ZNF202: variants seen among roughly 807,000 people sequenced by gnomAD.
ZNF202 encodes zinc finger protein 202, also known as zinc finger protein with KRAB and SCAN domains 10.
ZNF202 carries 22 observed loss-of-function variants against 54.5 expected under a neutral mutation model. That is an observed-to-expected ratio of 0.40 (90% CI 0.29 to 0.58). ZNF202 has a LOEUF of 0.58. ZNF202 is among the 20% of genes least tolerant of loss of function. The pLI is 0.39. For synonymous variants in ZNF202, 294 were observed against 301.4 expected (o/e 0.98, Z 0.26); for missense variants, 644 against 805.5 (o/e 0.80, Z 2.43).
rs904714910 is a variant in ZNF202 at position 123,730,041 on chromosome 11, C to T, written c.403-216G>A. 6.6e-6 allele frequency among the ~76,000 whole-genome samples: 1 copy of T among 152,138 alleles called. No homozygotes were observed. Among genetic ancestry groups the T allele is most frequent in the African/African-American group, 2.4e-5 (1 of 41,438 alleles). On this transcript the variant is annotated intron_variant, in intron 4 of 8. Coordinates refer to ENST00000530393, the MANE Select transcript of ZNF202 (RefSeq NM_003455.4). This position sits in a 1 kb window ranked among gnomAD's most constrained non-coding sequence, Gnocchi z 6.0. ...GATGCGCAGGCCTGCACTGCTCTCT[C>T]ACCACCCCCAGCCTGGGCCCCTGTC...
chr11:123,732,614 G>A (rs533438822), intron 3 of ZNF202, among the ~76,000 whole-genome samples: 3 of 152,146 alleles, frequency 2.0e-5, no homozygotes, highest in South Asian at 2.1e-4. Flanking sequence ...AAGTCCTCCC[G>A]TAGTGACCTG....
chr11:123,728,218 G>T lies in ZNF202; in HGVS notation c.747C>A (p.Asp249Glu). The change falls in exon 7 of 9, where the codon GAC becomes GAA. Residue 249 changes from aspartate to glutamate, a missense_variant. Asp to Glu is a conservative substitution (Grantham distance 45). Around this residue, in one of 3 missense-constraint regions of ZNF202, gnomAD observed 536 missense variants for 635.3 expected, o/e 0.84. Transcript: ENST00000530393. Reference sequence around the variant, plus strand: ...GTGTTGGGTCCAGATCACTCCACTGGTCCTGGGAAAAGCATACGGCCACAT... The same window carrying T: ...GTGTTGGGTCCAGATCACTCCACTGTTCCTGGGAAAAGCATACGGCCACAT... ...FKDVAVCFSQDQWSDLDPTQK... is the reference protein window; with the variant it reads ...FKDVAVCFSQEQWSDLDPTQK... 1 of 1,612,966 alleles carries T rather than the reference G, an allele frequency of 6.2e-7. No individual in the cohort carries two copies. The highest frequency in any genetic ancestry group is 1.1e-5 in the South Asian group (1 of 91,020).
intron 6 of ZNF202, 112 bp from the exon 7 acceptor site, chr11:123,728,374 G>C (rs984986536): frequency 7.5e-7 from 1 of 1,332,338 alleles, no homozygotes; most frequent in African/African-American, 1.5e-5. Flanking sequence ...AAAGGAGCTT[G>C]AGTGGCGGGC....
At chr11:123,740,339 C>T (rs974056789) in intron 2 of ZNF202, 78 bp downstream of exon 2, 6 of 152,306 alleles carry the variant, frequency 3.9e-5, no homozygotes, top group African/African-American at 1.4e-4. Flanking sequence ...TAGATAGTAA[C>T]AGCAGAAAGT....
At chr11:123,735,311 G>A (rs192139171) in intron 3 of ZNF202, among the ~76,000 whole-genome samples, 48 of 152,258 alleles carry the variant, frequency 3.2e-4, no homozygotes, top group Non-Finnish European at 6.2e-4. Context: ...ATCCTACAAC[G>A]TATGCATTGA....
In ZNF202 at chr11:123,726,008, T is replaced by C. The variant is rs1318369915; in HGVS notation, c.1936A>G (p.Lys646Glu). 9 of 1,612,240 alleles carry C rather than the reference T, an allele frequency of 5.6e-6. No homozygotes were observed. The highest frequency in any genetic ancestry group is 7.6e-6 in the Non-Finnish European group (9 of 1,178,642). The change falls in exon 9 of 9, where the codon AAG (lysine) becomes GAG (glutamate). Residue 646 changes from lysine to glutamate, a missense_variant. Physicochemically the swap from Lys to Glu is moderately conservative, Grantham distance 56 (BLOSUM62 1). Around this residue, in one of 3 missense-constraint regions of ZNF202, gnomAD observed 536 missense variants for 635.3 expected, o/e 0.84. Coordinates refer to ENST00000530393, the MANE Select transcript of ZNF202 (RefSeq NM_003455.4). The surrounding 1 kb of genome is among the most constrained non-coding windows in gnomAD (Gnocchi z 6.0). ...LIRHQRTHSE[K>E]TS ...ACATGGGGACCTAGCTAGGAGGTCT[T>C]TTCTGAGTGGGTCCTCTGATGCCTA...
chr11:123,729,589 C>A (rs1453380314), intron 5 of ZNF202, 26 bp downstream of exon 5: 2 of 1,513,206 alleles, frequency 1.3e-6, no homozygotes, highest in African/African-American at 1.4e-5. Flanking sequence ...CTGCCACAAT[C>A]CCCCCTTTCT....
chr11:123,736,787 AC>A (rs1488182397), intron 3 of ZNF202, among the ~76,000 whole-genome samples: 1 of 152,168 alleles, frequency 6.6e-6, no homozygotes, highest in Non-Finnish European at 1.5e-5. Context: ...TGTGGCTAAT[AC>A]TACTTATCTC....
intron 7 of ZNF202, 121 bp from the exon 8 acceptor site, chr11:123,727,716 C>T: frequency 7.7e-7 from 1 of 1,303,840 alleles, no homozygotes. Flanking sequence ...GTGATGAAAT[C>T]TTTCATCTCT....
chr11:123,739,858 A>T (rs188146787), intron 3 of ZNF202, among the ~76,000 whole-genome samples: 53 of 152,300 alleles, frequency 3.5e-4, no homozygotes, highest in Non-Finnish European at 1.2e-4. Context: ...CTCAAGCCCC[A>T]GCACAGACCT....
rs1861115741 is a variant in ZNF202, at chr11:123,726,039, G to A, written c.1905C>T (p.His635=). 1.2e-6 allele frequency: 2 copies of A among 1,614,050 alleles called. No individual in the cohort carries two copies. Among genetic ancestry groups the A allele is most frequent in the African/African-American group, 1.3e-5 (1 of 74,934 alleles). Residue 635 remains histidine, a synonymous_variant, in exon 9 of 9, where the codon CAC becomes CAT. Transcript: ENST00000530393. This position sits in a 1 kb window ranked among gnomAD's most constrained non-coding sequence, Gnocchi z 6.0. ...TCGKSFSRGY[H]LIRHQRTHSE... ...AGTGGGTCCTCTGATGCCTAATTAA[G>A]TGATATCCTCTGCTGAAGCTTTTTC... is the stretch of plus-strand genomic sequence containing the variant.
chr11:123,726,774 G>A lies in ZNF202; in HGVS notation c.1170C>T (p.His390=), dbSNP rs1462168733. The change falls in exon 9 of 9, where the codon CAC becomes CAT. Residue 390 remains histidine, a synonymous_variant. Transcript: ENST00000530393. The surrounding 1 kb of genome is among the most constrained non-coding windows in gnomAD (Gnocchi z 6.0). ...FVNLRETTPV[H]PLLGRHHDCS... ...AGTCATGATGCCTCCCTAACAGGGGGTGGACGGGTGTAGTTTCCCGAAGGT... is the reference window on the plus strand; with the variant it reads ...AGTCATGATGCCTCCCTAACAGGGGATGGACGGGTGTAGTTTCCCGAAGGT... The A allele has an allele frequency of 1.2e-6, 2 of 1,614,232 alleles. No individual in the cohort carries two copies. The highest frequency in any genetic ancestry group is 1.1e-5 in the South Asian group (1 of 91,082).
chr11:123,729,935 C>A, intron 4 of ZNF202, 110 bp from the exon 5 acceptor site: 1 of 1,153,700 alleles, frequency 8.7e-7, no homozygotes, highest in Non-Finnish European at 1.2e-6. Context: ...CCAGAGGGAC[C>A]CAGACAAGGA....
chr11:123,741,064 G>C lies in ZNF202; in HGVS notation c.-294+485C>G, dbSNP rs550898062. 2.0e-5 allele frequency among the ~76,000 whole-genome samples: 3 copies of C among 152,190 alleles called. No individual in the cohort carries two copies. In the South Asian group the frequency reaches 6.2e-4, roughly 32 times the overall value. ...CTGGGTGTGTGCTGGGGGGCTGAGGGGGGCTTGGTGGTGTAAGGAGATGGG... is the reference window on the plus strand; with the variant it reads ...CTGGGTGTGTGCTGGGGGGCTGAGGCGGGCTTGGTGGTGTAAGGAGATGGG... On this transcript the variant is annotated intron_variant, in intron 1 of 8. Transcript: ENST00000530393.
intron 2 of ZNF202, 88 bp from the exon 3 acceptor site, chr11:123,740,280 A>G (rs896953700): frequency 6.6e-6 from 1 of 152,334 alleles, no homozygotes; most frequent in African/African-American, 2.4e-5. Flanking sequence ...GTTTGGTCCT[A>G]GGAGGAAAAA....
chr11:123,731,591 A>C (rs761827779), intron 3 of ZNF202, among the ~76,000 whole-genome samples: 6 of 152,206 alleles, frequency 3.9e-5, no homozygotes, highest in Non-Finnish European at 8.8e-5. Flanking sequence ...CTGGGTTTGA[A>C]TCCTGGCTCT....
intron 6 of ZNF202, 93 bp downstream of exon 6, chr11:123,729,033 T>C: frequency 7.7e-7 from 1 of 1,294,540 alleles, no homozygotes; most frequent in South Asian, 1.3e-5. Context: ...GGCAAGAGTG[T>C]AAATGTGCAT....
At chr11:123,741,230 T>C (rs1219729834) in intron 1 of ZNF202, among the ~76,000 whole-genome samples, 1 of 151,476 alleles carries the variant, frequency 6.6e-6, no homozygotes, top group Non-Finnish European at 1.5e-5. Context: ...CGTTAGGAGG[T>C]ACGAGGTACG....
In ZNF202 at chr11:123,730,776, T is replaced by C; in HGVS notation, c.113A>G (p.Asp38Gly). 1 of 1,614,174 alleles carries C rather than the reference T, an allele frequency of 6.2e-7. No individual in the cohort carries two copies. The highest frequency in any genetic ancestry group is 8.5e-7 in the Non-Finnish European group (1 of 1,180,032). ...GTGGGAGGTTTCCAGCACCGGGTCA[T>C]CCCTCTGTAAGACAGACTCTGGCCG... The part of the protein sequence containing the change: ...TCRPESVLQR[D>G]DPVLETSHQN... The change falls in exon 4 of 9, where the codon GAT becomes GGT. Residue 38 changes from aspartate to glycine, a missense_variant. Asp to Gly is a moderately conservative substitution (Grantham distance 94). This residue lies in a region of ZNF202 where 46 missense variants were observed against 47.4 expected (regional missense o/e 0.97). Transcript: ENST00000530393. This position sits in a 1 kb window ranked among gnomAD's most constrained non-coding sequence, Gnocchi z 6.0.
Sources: allele counts gnomAD v4.1 joint callset (sites outside exome capture counted in the v4.1 genomes callset), GRCh38; gene constraint gnomAD v4.1.1; regional missense constraint gnomAD v4.1.1; non-coding constraint Gnocchi (gnomAD v3.1); transcripts MANE v1.5; gene names NCBI Gene and HGNC (gene_info 2026-07-23, HGNC 2026-07-21).